The following DPP10 variants were observed in gnomAD, a reference collection of about 807,000 sequenced individuals.
DPP10 encodes the protein dipeptidyl peptidase like 10.
Under a neutral mutation model 120.9 loss-of-function variants are expected in DPP10, and 33 were observed. The observed-to-expected ratio is 0.27, with a 90% CI of 0.21 to 0.37. The LOEUF (loss-of-function observed/expected upper bound fraction) is 0.37, where lower values mean the gene tolerates loss of function less well. Ranked by LOEUF, DPP10 falls within the 10% of genes least tolerant of loss-of-function variation. The pLI is 1.00. For synonymous variants in DPP10, 337 were observed against 326.1 expected (o/e 1.03, Z -0.36); for missense variants, 816 against 942.8 (o/e 0.87, Z 1.76).
intron 1 of DPP10, among the ~76,000 whole-genome samples, chr2:115,139,220 T>C (rs1251934350): frequency 6.6e-6 from 1 of 152,214 alleles, no homozygotes. Context: ...TGGTATATCA[T>C]ATTATCTTTG....
Position 115,488,893 on chromosome 2 carries a change from AAAAAAAAT to A in DPP10, c.272-10615_272-10608del, listed in dbSNP as rs1173626563. 9.9e-5 allele frequency among the ~76,000 whole-genome samples: 15 copies of A among 151,334 alleles called. No homozygotes were observed. The East Asian group carries it at 2.3e-3, about 24-fold the overall frequency. On this transcript the variant is annotated intron_variant, in intron 3 of 25. Coordinates refer to ENST00000410059, the MANE Select transcript of DPP10 (RefSeq NM_020868.6). ...CTTAGAGTATAATAAAAAAAAAAAAAAAAAAAATATGTATCTCTCATGCCATGTTGTAA... is the reference window on the plus strand; with the variant it reads ...CTTAGAGTATAATAAAAAAAAAAAAAATGTATCTCTCATGCCATGTTGTAA...
chr2:114,883,211 A>C (rs903854458), intron 1 of DPP10, among the ~76,000 whole-genome samples: 1 of 152,174 alleles, frequency 6.6e-6, no homozygotes, highest in African/African-American at 2.4e-5. Context: ...GGGTTAGAGG[A>C]GACTGGTTTT....
chr2:115,071,437 A>C (rs111370585), intron 1 of DPP10, among the ~76,000 whole-genome samples: 1 of 152,286 alleles, frequency 6.6e-6, no homozygotes, highest in African/African-American at 2.4e-5. Context: ...GGGAAGAGAG[A>C]TGGGAGCCAA....
chr2:115,145,471 A>T (rs1416846484), intron 1 of DPP10, among the ~76,000 whole-genome samples: 1 of 152,220 alleles, frequency 6.6e-6, no homozygotes, highest in African/African-American at 2.4e-5. Context: ...GCATTTTAAT[A>T]GCTTCACAGC....
At chr2:114,776,808 T>C (rs1461357554) in intron 1 of DPP10, among the ~76,000 whole-genome samples, 3 of 151,986 alleles carry the variant, frequency 2.0e-5, no homozygotes, top group Non-Finnish European at 4.4e-5. Context: ...TTGATGAGTA[T>C]TGGAAAAGGG....
chr2:115,635,901 A>C (rs2086284564), intron 5 of DPP10, among the ~76,000 whole-genome samples: 1 of 152,232 alleles, frequency 6.6e-6, no homozygotes, highest in African/African-American at 2.4e-5. Flanking sequence ...ATCATTGGGC[A>C]AAAAGTGTTT....
intron 11 of DPP10, among the ~76,000 whole-genome samples, chr2:115,755,987 A>G (rs1679350133): frequency 6.6e-6 from 1 of 152,026 alleles, no homozygotes; most frequent in South Asian, 2.1e-4. Flanking sequence ...ATACAATGGA[A>G]TACTATTCAG....
intron 1 of DPP10, among the ~76,000 whole-genome samples, chr2:114,497,414 C>T (rs1427610384): frequency 0.016 from 1,413 of 88,770 alleles, 80 homozygotes; most frequent in African/African-American, 0.052. Context: ...TATACACATA[C>T]ATATGCATCT....
chr2:115,103,632 G>A (rs755723225), intron 1 of DPP10, among the ~76,000 whole-genome samples: 2 of 152,216 alleles, frequency 1.3e-5, no homozygotes, highest in African/African-American at 4.8e-5. Context: ...TGCATGGGAA[G>A]TTTTTAATGG....
chr2:115,833,270 C>T (rs1012958015), intron 21 of DPP10, among the ~76,000 whole-genome samples: 1 of 152,046 alleles, frequency 6.6e-6, no homozygotes, highest in Non-Finnish European at 1.5e-5. Flanking sequence ...TATAAACAAA[C>T]ATCATAATCA....
chr2:115,380,559 G>A (rs573595186), intron 3 of DPP10, among the ~76,000 whole-genome samples: 44 of 151,982 alleles, frequency 2.9e-4, no homozygotes, highest in Admixed American at 1.8e-3. Context: ...TACATTTAAA[G>A]TTAATATTGT....
chr2:115,114,078 A>T (rs1207295409), intron 1 of DPP10, among the ~76,000 whole-genome samples: 8 of 152,176 alleles, frequency 5.3e-5, no homozygotes, highest in Non-Finnish European at 1.5e-5. Flanking sequence ...CAATGCTAGG[A>T]CTAATTCTGC....
chr2:114,752,088 T>C (rs1679283293), intron 1 of DPP10, among the ~76,000 whole-genome samples: 1 of 151,922 alleles, frequency 6.6e-6, no homozygotes, highest in Non-Finnish European at 1.5e-5. Context: ...GGCCAGGAAT[T>C]TGCATTTCTA....
intron 5 of DPP10, among the ~76,000 whole-genome samples, chr2:115,581,454 G>C (rs538863131): frequency 6.6e-6 from 1 of 152,210 alleles, no homozygotes; most frequent in African/African-American, 2.4e-5. Context: ...AAATGTGGTT[G>C]TATCAGAACT....
chr2:115,180,921 C>CT (rs397778434), intron 1 of DPP10, among the ~76,000 whole-genome samples: 1 of 134,134 alleles, frequency 7.5e-6, no homozygotes, highest in Non-Finnish European at 1.7e-5. Context: ...TCCCTTCCTC[C>CT]TGCCTCCCTC....
At chr2:114,658,050 A>G (rs1454385638) in intron 1 of DPP10, among the ~76,000 whole-genome samples, 2 of 152,198 alleles carry the variant, frequency 1.3e-5, no homozygotes, top group African/African-American at 2.4e-5. Flanking sequence ...AGAGAATATG[A>G]TATATGCATT....
In DPP10 at chr2:115,777,273, G is replaced by T; in HGVS notation, c.1287G>T (p.Leu429Phe). 1 of 1,613,050 alleles carries T rather than the reference G, an allele frequency of 6.2e-7. No homozygotes were observed. Among genetic ancestry groups the T allele is most frequent in the Non-Finnish European group, 8.5e-7 (1 of 1,179,324 alleles). ...TSGNWEVIKILAYDETTQKIY... is the reference protein window; with the variant it reads ...TSGNWEVIKIFAYDETTQKIY... ...GAAACTGGGAAGTGATAAAGATCTT[G>T]GCATACGATGAAACTACTCAAAAAA... is the stretch of plus-strand genomic sequence containing the variant. The change falls in exon 14 of 26, where the codon TTG becomes TTT. Residue 429 changes from leucine (L) to phenylalanine (F), a missense_variant. This residue lies in a region of DPP10 where 592 missense variants were observed against 649.0 expected (regional missense o/e 0.91). Transcript: ENST00000410059.
chr2:115,104,779 G>A (rs759229040), intron 1 of DPP10, among the ~76,000 whole-genome samples: 8 of 152,136 alleles, frequency 5.3e-5, no homozygotes, highest in African/African-American at 1.2e-4. Flanking sequence ...AGGCCGAGGC[G>A]GGTGGATCAC....
chr2:115,597,706 A>G (rs80174490), intron 5 of DPP10, among the ~76,000 whole-genome samples: 2 of 152,066 alleles, frequency 1.3e-5, no homozygotes, highest in East Asian at 3.9e-4. Context: ...AACTTTCAAA[A>G]TCTTATTACT....
Sources: gnomAD v4.1 joint callset for allele counts (sites outside exome capture counted in the v4.1 genomes callset) on GRCh38, gnomAD v4.1.1 for gene constraint, gnomAD v4.1.1 regional missense constraint, MANE v1.5 for transcripts, NCBI Gene and HGNC (gene_info 2026-07-23, HGNC 2026-07-21) for gene names.